Variants in BAZ1B observed in about 807,000 individuals in gnomAD.
BAZ1B encodes tyrosine-protein kinase BAZ1B.
Under a neutral mutation model 153.8 loss-of-function variants are expected in BAZ1B, and 22 were observed. The ratio of observed to expected loss-of-function variants is 0.14; its 90% CI spans 0.10 to 0.20. BAZ1B has a LOEUF of 0.20. Ranked by LOEUF, BAZ1B falls within the 10% of genes least tolerant of loss-of-function variation. The pLI is 1.00. For synonymous variants in BAZ1B, 676 were observed against 633.4 expected, an observed-to-expected ratio of 1.07 and a Z score of -1.01; for missense variants, 1,325 against 1,799.3, an observed-to-expected ratio of 0.74 and a Z score of 4.77.
chr7:73,508,138 G>C (rs933876205), intron 3 of BAZ1B, among the ~76,000 whole-genome samples, 189 bp downstream of exon 3: 1 of 152,172 alleles, frequency 6.6e-6, no homozygotes, highest in East Asian at 1.9e-4. Context: ...CTTGGCGACA[G>C]AGTGAGACTC....
chr7:73,454,409 A>G (rs1167132877), intron 13 of BAZ1B, among the ~76,000 whole-genome samples: 1 of 152,230 alleles, frequency 6.6e-6, no homozygotes. Flanking sequence ...CATGAATTAA[A>G]TCTTTATCTA....
At chr7:73,451,776 A>G (rs1182878047) in intron 13 of BAZ1B, among the ~76,000 whole-genome samples, 7 of 152,240 alleles carry the variant, frequency 4.6e-5, no homozygotes, top group African/African-American at 1.4e-4. Flanking sequence ...AGAGCTCCTC[A>G]GTAAACTGAG....
rs782120159 is a variant in BAZ1B, at chr7:73,492,918, T to C, written c.575A>G (p.Asp192Gly). Residue 192 changes from aspartate (D) to glycine (G), a missense_variant, in exon 5 of 20, where the codon GAC becomes GGC. Physicochemically the swap from Asp to Gly is moderately conservative, Grantham distance 94. This residue lies in a region of BAZ1B where 153 missense variants were observed against 204.8 expected (regional missense o/e 0.75). Transcript: ENST00000339594. ...TTTTCGTGGCGATCTACGTGCTCTG[T>C]CATCTAGTCAAATCATAGAAAATTA... ...EDEGRRESIN[D>G]RARRSPRKLP... 2 of 1,592,908 alleles carry C rather than the reference T, an allele frequency of 1.3e-6. No homozygotes were observed. Among genetic ancestry groups the C allele is most frequent in the Admixed American group, 3.7e-5 (2 of 53,614 alleles).
At chr7:73,475,273 A>G (rs1039299117) in intron 7 of BAZ1B, among the ~76,000 whole-genome samples, 5 of 152,236 alleles carry the variant, frequency 3.3e-5, no homozygotes, top group Non-Finnish European at 7.3e-5. Context: ...CTCATACATG[A>G]ATATTTATGG....
chr7:73,518,431 T>TAA (rs1351287932), intron 1 of BAZ1B, among the ~76,000 whole-genome samples: 1 of 149,542 alleles, frequency 6.7e-6, no homozygotes, highest in African/African-American at 2.5e-5. Flanking sequence ...AATAAATAAA[T>TAA]AAATAAAAAT....
rs1193150988 is a variant in BAZ1B at position 73,450,577 on chromosome 7, A to G, written c.3580+270T>C. Among the ~76,000 whole-genome samples, 3 of 152,212 alleles carry G rather than the reference A, an allele frequency of 2.0e-5. No individual in the cohort carries two copies. Among genetic ancestry groups the G allele is most frequent in the African/African-American group, 7.2e-5 (3 of 41,466 alleles). On this transcript the variant is annotated intron_variant, in intron 14 of 19. Transcript: ENST00000339594. This position sits in a 1 kb window ranked among gnomAD's most constrained non-coding sequence, Gnocchi z 4.1. ...TAAACTAACTAAAATAGTTACAAGG[A>G]TTAACTAATTTTGTTTTCTGTAAAA...
chr7:73,515,235 T>C lies in BAZ1B; in HGVS notation c.108-4383A>G, dbSNP rs114641015. On this transcript the variant is annotated intron_variant, in intron 1 of 19. Coordinates refer to ENST00000339594, the MANE Select transcript of BAZ1B (RefSeq NM_032408.4). ...ACATTCATTGAACCTTCAAATATGA[T>C]AGATTGTATTAGTTTCTAACTATTC... 5.7e-3 allele frequency among the ~76,000 whole-genome samples: 876 copies of C among 152,352 alleles called. 9 individuals are homozygous for C. Among genetic ancestry groups the C allele is most frequent in the African/African-American group, 0.02 (825 of 41,580 alleles).
chr7:73,515,485 C>G (rs1041316612), intron 1 of BAZ1B, among the ~76,000 whole-genome samples: 1 of 150,562 alleles, frequency 6.6e-6, no homozygotes, highest in Non-Finnish European at 1.5e-5. Flanking sequence ...AGCAAACTAG[C>G]AAGCAAGACA....
chr7:73,463,858 C>T (rs189170550), intron 11 of BAZ1B, among the ~76,000 whole-genome samples: 126 of 152,284 alleles, frequency 8.3e-4, no homozygotes, highest in African/African-American at 2.8e-3. Flanking sequence ...CAGGCACCCG[C>T]CACCATGCCT....
At chr7:73,518,415 AAAATAAAT>A (rs538907384) in intron 1 of BAZ1B, among the ~76,000 whole-genome samples, 3 of 151,718 alleles carry the variant, frequency 2.0e-5, no homozygotes, top group Non-Finnish European at 2.9e-5. Context: ...TCCGTCTCAA[AAAATAAAT>A]AAATAAATAA....
rs1281223307 is a variant in BAZ1B at position 73,447,372 on chromosome 7, T to C, written c.3736A>G (p.Thr1246Ala). Residue 1246 changes from threonine to alanine, a missense_variant, in exon 16 of 20, where the codon ACT (threonine) becomes GCT (alanine). Around this residue, in one of 9 missense-constraint regions of BAZ1B, gnomAD observed 271 missense variants for 337.2 expected, o/e 0.80. Coordinates refer to ENST00000339594, the MANE Select transcript of BAZ1B (RefSeq NM_032408.4). ...ARRNSRGRNY[T>A]EESASEDSED... ...CTGTCCTCAGAAGCAGACTCTTCAGTATAGTTCCTGTGGGTAGAAAAAATA... is the reference window on the plus strand; with the variant it reads ...CTGTCCTCAGAAGCAGACTCTTCAGCATAGTTCCTGTGGGTAGAAAAAATA... The C allele has an allele frequency of 6.2e-7, 1 of 1,612,624 alleles. No individual in the cohort carries two copies. Among genetic ancestry groups the C allele is most frequent in the Non-Finnish European group, 8.5e-7 (1 of 1,179,138 alleles).
intron 19 of BAZ1B, 45 bp downstream of exon 19, chr7:73,442,136 T>TTCCCC: frequency 3.5e-6 from 2 of 573,488 alleles, no homozygotes; most frequent in Non-Finnish European, 6.5e-6. Context: ...CTCGCTCGCC[T>TTCCCC]CCCTCCCACC....
chr7:73,459,047 G>C (rs2116271829), intron 13 of BAZ1B, among the ~76,000 whole-genome samples: 1 of 152,110 alleles, frequency 6.6e-6, no homozygotes, highest in African/African-American at 2.4e-5. Context: ...AAGAGATCGA[G>C]ACCACTCTGG....
At chr7:73,515,297 C>T (rs1199533039) in intron 1 of BAZ1B, among the ~76,000 whole-genome samples, 3 of 152,122 alleles carry the variant, frequency 2.0e-5, no homozygotes, top group African/African-American at 7.2e-5. Flanking sequence ...CATCTCCACC[C>T]ACTGCCATGT....
chr7:73,462,897 A>G (rs530687824), intron 12 of BAZ1B, 25 bp downstream of exon 12: 1 of 1,611,168 alleles, frequency 6.2e-7, no homozygotes, highest in Non-Finnish European at 8.5e-7. Flanking sequence ...TGAGTAATCT[A>G]AGGGGGATTT....
intron 9 of BAZ1B, among the ~76,000 whole-genome samples, chr7:73,467,961 A>G (rs1788659306): frequency 6.6e-6 from 1 of 152,210 alleles, no homozygotes; most frequent in South Asian, 2.1e-4. Flanking sequence ...TTCAACATGC[A>G]AACACCTTAA....
At position 73,478,258 on chromosome 7, in the gene BAZ1B, A is replaced by C. The variant is rs782183960; in HGVS notation, c.1203T>G (p.Pro401=). The change falls in exon 7 of 20, where the codon CCT becomes CCG. Residue 401 remains proline, a synonymous_variant. Coordinates refer to ENST00000339594, the MANE Select transcript of BAZ1B (RefSeq NM_032408.4). The part of the protein sequence containing the change: ...AKKPGKHSDK[P]LKAKGRSKGI... The stretch of plus-strand genomic sequence containing the variant: ...CTTTGCTTCTGCCCTTTGCCTTCAA[A>C]GGCTTGTCACTGTGCTTCCCTGGTT... The C allele has an allele frequency of 1.2e-6, 2 of 1,614,148 alleles. No individual in the cohort carries two copies. Among genetic ancestry groups the C allele is most frequent in the South Asian group, 2.2e-5 (2 of 91,078 alleles).
chr7:73,457,332 C>A (rs1583893255), intron 13 of BAZ1B, among the ~76,000 whole-genome samples: 1 of 152,076 alleles, frequency 6.6e-6, no homozygotes, highest in African/African-American at 2.4e-5. Flanking sequence ...TGTGCGCCAC[C>A]ACGCCTGGCT....
At chr7:73,449,510 A>T (rs1787955422) in intron 15 of BAZ1B, 32 bp downstream of exon 15, 2 of 1,592,526 alleles carry the variant, frequency 1.3e-6, no homozygotes, top group East Asian at 4.5e-5. Context: ...ATATTTATTC[A>T]TTCAATTATT....
Sources: allele counts gnomAD v4.1 joint callset (sites outside exome capture counted in the v4.1 genomes callset), GRCh38; gene constraint gnomAD v4.1.1; regional missense constraint gnomAD v4.1.1; non-coding constraint Gnocchi (gnomAD v3.1); transcripts MANE v1.5; gene names NCBI Gene and HGNC (gene_info 2026-07-23, HGNC 2026-07-21).